The following GLIS3 variants were observed in gnomAD, a reference collection of about 807,000 sequenced individuals.
The protein encoded by GLIS3 is GLIS family zinc finger 3.
In GLIS3, 53 loss-of-function variants were observed where a neutral mutation model predicts 78.6. The ratio of observed to expected loss-of-function variants is 0.67; its 90% CI spans 0.54 to 0.85. The LOEUF is 0.85. Ranked by LOEUF, GLIS3 falls within the 40% of genes least tolerant of loss-of-function variation. The pLI, the probability that GLIS3 is intolerant of heterozygous loss-of-function variation, is 0.00. For missense variants in GLIS3, 1,703 were observed against 1,231.1 expected (o/e 1.38, Z -5.74); for synonymous variants, 684 against 509.9 (o/e 1.34, Z -4.60).
intron 2 of GLIS3, among the ~76,000 whole-genome samples, chr9:4,254,739 C>G (rs938889536): frequency 1.5e-4 from 22 of 151,414 alleles, no homozygotes; most frequent in African/African-American, 5.1e-4. Context: ...ACTCGGGAGG[C>G]TGAGGCAGGA....
Position 4,203,418 on chromosome 9 carries a change from G to A in GLIS3, c.389-77477C>T, listed in dbSNP as rs576331953. The stretch of plus-strand genomic sequence containing the variant: ...TTTAGCAACTGTAGAAAGCAGTTCC[G>A]AGATTTCTCAAGGAACTTAGAACAC... On this transcript the variant is annotated intron_variant, in intron 2 of 10. Transcript: ENST00000381971. Among the ~76,000 whole-genome samples the A allele has an allele frequency of 7.3e-4, 111 of 152,338 alleles. 2 individuals are homozygous for A. Among genetic ancestry groups the A allele is most frequent in the Non-Finnish European group, 1.3e-3 (88 of 68,036 alleles).
At chr9:3,913,733 C>A (rs1012473556) in intron 6 of GLIS3, among the ~76,000 whole-genome samples, 2 of 152,186 alleles carry the variant, frequency 1.3e-5, no homozygotes, top group African/African-American at 4.8e-5. Flanking sequence ...TTGCTGTTAG[C>A]ACTCGTGATT....
intron 2 of GLIS3, among the ~76,000 whole-genome samples, chr9:4,181,913 C>A (rs557364065): frequency 7.5e-4 from 114 of 152,224 alleles, no homozygotes; most frequent in African/African-American, 2.7e-3. Flanking sequence ...CCGAGTTAGC[C>A]CAGACCATAA....
the GLIS3 span, among the ~76,000 whole-genome samples, chr9:4,379,143 C>T: frequency 6.6e-6 from 1 of 152,116 alleles, no homozygotes; most frequent in Non-Finnish European, 1.5e-5. Flanking sequence ...ATATGTTGTC[C>T]AGCGCCCCAT....
chr9:3,997,631 C>T (rs1820841621), intron 4 of GLIS3, among the ~76,000 whole-genome samples: 1 of 151,532 alleles, frequency 6.6e-6, no homozygotes, highest in African/African-American at 2.4e-5. Context: ...TTGATCATGC[C>T]ACTGAGAAAT....
the GLIS3 span, among the ~76,000 whole-genome samples, chr9:4,478,936 T>A: frequency 6.6e-6 from 1 of 152,314 alleles, no homozygotes; most frequent in Non-Finnish European, 1.5e-5. Context: ...TACATCTAAC[T>A]ACCAACTTAT....
chr9:3,890,557 T>C (rs1822363649), intron 7 of GLIS3, among the ~76,000 whole-genome samples: 1 of 152,166 alleles, frequency 6.6e-6, no homozygotes, highest in Admixed American at 6.6e-5. Flanking sequence ...GGGAGTGTAC[T>C]AAACTCTTTT....
chr9:4,039,597 G>A (rs1259706613), intron 4 of GLIS3, among the ~76,000 whole-genome samples: 1 of 152,188 alleles, frequency 6.6e-6, no homozygotes, highest in Non-Finnish European at 1.5e-5. Flanking sequence ...TACAGGCCAG[G>A]TAAGAGAAGT....
chr9:3,980,410 ATC>A (rs912083947), intron 4 of GLIS3, among the ~76,000 whole-genome samples: 104 of 152,272 alleles, frequency 6.8e-4, no homozygotes, highest in African/African-American at 2.4e-3. Flanking sequence ...CAGAGTCCAT[ATC>A]TCTCTCCTCA....
chr9:4,077,283 A>T (rs1039746157), intron 4 of GLIS3, among the ~76,000 whole-genome samples: 1 of 152,350 alleles, frequency 6.6e-6, no homozygotes, highest in East Asian at 1.9e-4. Flanking sequence ...GTTAATACAG[A>T]AAGTATGCAC....
Position 4,118,011 on chromosome 9 carries a change from G to C in GLIS3, c.1467C>G (p.Asp489Glu). The C allele has an allele frequency of 6.2e-7, 1 of 1,606,564 alleles. No homozygotes were observed. The highest frequency in any genetic ancestry group is 2.2e-5 in the East Asian group (1 of 44,744). ...QLALPQATLD[D>E]DGEMDGIGGK... ...CCCCGATGCCGTCCATCTCCCCGTC[G>C]TCGTCCAGGGTGGCCTGGGGCAAGG... is the stretch of plus-strand genomic sequence containing the variant. Residue 489 changes from aspartate (D) to glutamate (E), a missense_variant, in exon 4 of 11, where the codon GAC becomes GAG. Physicochemically the swap from Asp to Glu is conservative, Grantham distance 45. Transcript: ENST00000381971. The surrounding 1 kb of genome is among the most constrained non-coding windows in gnomAD (Gnocchi z 4.7).
chr9:4,012,920 C>T (rs1452146591), intron 4 of GLIS3, among the ~76,000 whole-genome samples: 1 of 151,536 alleles, frequency 6.6e-6, no homozygotes, highest in Non-Finnish European at 1.5e-5. Context: ...TTACAGGTGC[C>T]CGCCACCACG....
At chr9:4,253,736 G>A (rs1038637926) in intron 2 of GLIS3, among the ~76,000 whole-genome samples, 4 of 152,202 alleles carry the variant, frequency 2.6e-5, no homozygotes, top group African/African-American at 4.8e-5. Context: ...CCCTGGTGGT[G>A]TAGGCATCCA....
intron 1 of GLIS3, among the ~76,000 whole-genome samples, chr9:4,293,806 G>A (rs1816237727): frequency 6.6e-6 from 1 of 152,192 alleles, no homozygotes; most frequent in Non-Finnish European, 1.5e-5. Context: ...CTGCCCATCT[G>A]CAGTTGAGCA....
intron 2 of GLIS3, among the ~76,000 whole-genome samples, chr9:4,284,765 A>G (rs923515232): frequency 1.3e-5 from 2 of 151,930 alleles, no homozygotes; most frequent in African/African-American, 4.8e-5. Context: ...AAAGAAAAAA[A>G]AAATTAGCCA....
chr9:4,029,231 A>G (rs1242617041), intron 4 of GLIS3, among the ~76,000 whole-genome samples: 1 of 152,050 alleles, frequency 6.6e-6, no homozygotes, highest in Non-Finnish European at 1.5e-5. Context: ...CATCTAGTCA[A>G]ATGTAACAAT....
upstream of GLIS3, among the ~76,000 whole-genome samples, chr9:4,303,584 CACA>C (rs1413446733): frequency 6.6e-6 from 1 of 152,178 alleles, no homozygotes; most frequent in East Asian, 1.9e-4. Context: ...ATATCGCATT[CACA>C]ACATCATACC....
rs954669704 is a variant in GLIS3, at chr9:4,053,627, C to T, written c.1710+64141G>A. 3.0e-5 allele frequency among the ~76,000 whole-genome samples: 4 copies of T among 132,784 alleles called. No individual in the cohort carries two copies. The South Asian group carries it at 1.0e-3, about 34-fold the overall frequency. The allele number at this position is 132,784 out of a possible 152,430, so 87.1% of individuals were successfully genotyped here. A position where few individuals can be genotyped will look rare whatever the true frequency, so the allele number is the denominator to read the frequency against. ...CTAGTGGATAAATGTCTCAATGGTGCTCAAGGCTAAAAAAAAAAAAAAGAG... is the reference window on the plus strand; with the variant it reads ...CTAGTGGATAAATGTCTCAATGGTGTTCAAGGCTAAAAAAAAAAAAAAGAG... On this transcript the variant is annotated intron_variant, in intron 4 of 10. Transcript: ENST00000381971.
At chr9:4,008,791 G>C (rs1170122142) in intron 4 of GLIS3, among the ~76,000 whole-genome samples, 1 of 152,072 alleles carries the variant, frequency 6.6e-6, no homozygotes, top group African/African-American at 2.4e-5. Flanking sequence ...ATTTAGAGTT[G>C]AAAGAAACTT....
Sources: allele counts gnomAD v4.1 joint callset (sites outside exome capture counted in the v4.1 genomes callset), GRCh38; gene constraint gnomAD v4.1.1; non-coding constraint Gnocchi (gnomAD v3.1); transcripts MANE v1.5; gene names NCBI Gene and HGNC (gene_info 2026-07-23, HGNC 2026-07-21).